ELAVL4: variants seen among roughly 807,000 people sequenced by gnomAD.
ELAVL4 encodes the protein ELAV like RNA binding protein 4, also known as ELAV-like protein 4.
In ELAVL4, 1 loss-of-function variant was observed where a neutral mutation model predicts 35.6. The ratio of observed to expected loss-of-function variants is 0.03; its 90% CI spans 0.01 to 0.13. The LOEUF is 0.13. ELAVL4 is among the 10% of genes least tolerant of loss of function. The probability of loss-of-function intolerance (pLI) is 1.00; values close to 1 mark genes in which losing one functional copy is unlikely to be tolerated. For synonymous variants in ELAVL4, 156 were observed against 171.0 expected, an observed-to-expected ratio of 0.91 and a Z score of 0.69; for missense variants, 267 against 464.9, an observed-to-expected ratio of 0.57 and a Z score of 3.91.
chr1:50,110,881 C>G (rs1295132138), intron 1 of ELAVL4, among the ~76,000 whole-genome samples: 1 of 151,832 alleles, frequency 6.6e-6, no homozygotes, highest in Non-Finnish European at 1.5e-5. Context: ...GAGGAAAACC[C>G]AATGAAAGGT....
intron 1 of ELAVL4, among the ~76,000 whole-genome samples, chr1:50,144,038 A>G (rs1229525656): frequency 2.0e-5 from 3 of 152,104 alleles, no homozygotes; most frequent in African/African-American, 7.2e-5. Flanking sequence ...TCCCTATCCT[A>G]TAAGCAGAAG....
chr1:50,080,788 T>C (rs1404266169), intron 1 of ELAVL4, among the ~76,000 whole-genome samples: 1 of 152,132 alleles, frequency 6.6e-6, no homozygotes. Flanking sequence ...CACTTGCTGT[T>C]CTGTGCTGCC....
At chr1:50,141,319 A>G (rs1672778277) in intron 1 of ELAVL4, among the ~76,000 whole-genome samples, 1 of 152,182 alleles carries the variant, frequency 6.6e-6, no homozygotes, top group Non-Finnish European at 1.5e-5. Flanking sequence ...AAAGGTAGAA[A>G]ACAGAGAAGA....
intron 1 of ELAVL4, among the ~76,000 whole-genome samples, chr1:50,112,853 C>T (rs1183035650): frequency 6.6e-6 from 1 of 151,936 alleles, no homozygotes; most frequent in African/African-American, 2.4e-5. Context: ...TTTTTCTCTC[C>T]CAATACTCCT....
chr1:50,109,613 C>T (rs1185847175), intron 1 of ELAVL4: 2 of 412,388 alleles, frequency 4.8e-6, no homozygotes, highest in Non-Finnish European at 4.4e-6. Context: ...TCTCAATTTC[C>T]GTGCTGGAAA....
chr1:50,106,211 A>G, upstream of ELAVL4: 1 of 1,115,534 alleles, frequency 9.0e-7, no homozygotes. Flanking sequence ...GTAGTTATTA[A>G]CGCTGAATTG....
intron 2 of ELAVL4, among the ~76,000 whole-genome samples, chr1:50,148,610 T>C (rs986044207): frequency 5.9e-5 from 9 of 152,168 alleles, no homozygotes; most frequent in African/African-American, 2.2e-4. Context: ...AAGAAAGGCA[T>C]ATCCTGAGTT....
At chr1:50,066,682 C>T (rs1664280269) in intron 1 of ELAVL4, among the ~76,000 whole-genome samples, 1 of 151,970 alleles carries the variant, frequency 6.6e-6, no homozygotes, top group African/African-American at 2.4e-5. Context: ...CTCTTTAAGT[C>T]CTGTCTGTAT....
At chr1:50,170,076 A>G (rs1678711027) in intron 2 of ELAVL4, among the ~76,000 whole-genome samples, 1 of 152,222 alleles carries the variant, frequency 6.6e-6, no homozygotes, top group Non-Finnish European at 1.5e-5. Context: ...AAAGAAAGGC[A>G]TCAGAAGCAG....
chr1:50,111,097 C>A (rs1301062886), intron 1 of ELAVL4, among the ~76,000 whole-genome samples: 1 of 151,854 alleles, frequency 6.6e-6, no homozygotes, highest in African/African-American at 2.4e-5. Context: ...TTTTAGAAAT[C>A]TATTTTTAAG....
chr1:50,053,791 G>A (rs563277096), intron 1 of ELAVL4, among the ~76,000 whole-genome samples: 6 of 152,244 alleles, frequency 3.9e-5, no homozygotes, highest in East Asian at 3.9e-4. Context: ...CAAGAAGTGC[G>A]TCATAGAGCA....
chr1:50,101,111 C>T (rs562224719), upstream of ELAVL4, among the ~76,000 whole-genome samples: 10 of 152,104 alleles, frequency 6.6e-5, no homozygotes, highest in Admixed American at 1.3e-4. Flanking sequence ...TCAGCCACCC[C>T]TAGTTGAATC....
upstream of ELAVL4, among the ~76,000 whole-genome samples, chr1:50,099,560 C>CA (rs750905424): frequency 0.027 from 1,505 of 55,618 alleles, 32 homozygotes; most frequent in South Asian, 0.062. Context: ...AACTCCGCCT[C>CA]AAAAAAAAAA....
chr1:50,183,157 C>A (rs1173305564), intron 3 of ELAVL4, among the ~76,000 whole-genome samples: 1 of 152,022 alleles, frequency 6.6e-6, no homozygotes. Context: ...TGCGCCCGGC[C>A]GATTTCCATC....
intron 2 of ELAVL4, among the ~76,000 whole-genome samples, chr1:50,157,248 C>G (rs1404363715): frequency 6.6e-6 from 1 of 152,150 alleles, no homozygotes; most frequent in Non-Finnish European, 1.5e-5. Flanking sequence ...TCAAGCCATT[C>G]TGTGCCTCAG....
chr1:50,051,447 A>C (rs574706381), intron 1 of ELAVL4, among the ~76,000 whole-genome samples: 8 of 152,360 alleles, frequency 5.3e-5, no homozygotes, highest in African/African-American at 1.9e-4. Context: ...TAAAACTTGA[A>C]TTAGAGTACT....
At chr1:50,165,564 A>G (rs1367313719) in intron 2 of ELAVL4, among the ~76,000 whole-genome samples, 1 of 148,954 alleles carries the variant, frequency 6.7e-6, no homozygotes, top group Admixed American at 6.7e-5. Context: ...ATATGCATAT[A>G]CACACATACA....
At chr1:50,109,909 C>T (rs754759307) in intron 1 of ELAVL4, 2 of 1,611,978 alleles carry the variant, frequency 1.2e-6, no homozygotes, top group South Asian at 2.2e-5. Context: ...TTTTGACACA[C>T]TGTGTGAGGG....
chr1:50,178,289 C>A (rs1181873643), intron 3 of ELAVL4, among the ~76,000 whole-genome samples: 1 of 152,194 alleles, frequency 6.6e-6, no homozygotes, highest in East Asian at 1.9e-4. Flanking sequence ...TAGATGGCAC[C>A]AGCTCTCAGC....
Sources: gnomAD v4.1 joint callset for allele counts (sites outside exome capture counted in the v4.1 genomes callset) on GRCh38, gnomAD v4.1.1 for gene constraint, MANE v1.5 for transcripts, NCBI Gene and HGNC (gene_info 2026-07-23, HGNC 2026-07-21) for gene names.